Variants in GABRB2 observed in about 807,000 individuals in gnomAD.
GABRB2 encodes gamma-aminobutyric acid receptor subunit beta-2.
In GABRB2, 16 loss-of-function variants were observed where a neutral mutation model predicts 54.7. The ratio of observed to expected loss-of-function variants is 0.29; its 90% CI spans 0.20 to 0.44. The LOEUF (loss-of-function observed/expected upper bound fraction) is 0.44. Ranked by LOEUF, GABRB2 falls within the 20% of genes least tolerant of loss-of-function variation. GABRB2 has a pLI of 1.00. For synonymous variants in GABRB2, 244 were observed against 233.8 expected (o/e 1.04, Z -0.40); for missense variants, 355 against 644.0 (o/e 0.55, Z 4.86).
intron 3 of GABRB2, among the ~76,000 whole-genome samples, chr5:161,462,161 T>C (rs2113271506): frequency 6.6e-6 from 1 of 152,300 alleles, no homozygotes; most frequent in Admixed American, 6.5e-5. Flanking sequence ...CATATTAATA[T>C]CCTAAATGTG....
chr5:161,448,338 G>A (rs997094562), intron 4 of GABRB2, among the ~76,000 whole-genome samples: 1 of 152,070 alleles, frequency 6.6e-6, no homozygotes, highest in Non-Finnish European at 1.5e-5. Flanking sequence ...TAGGAGGTTT[G>A]CTAGAGACCA....
At chr5:161,547,235 G>C (rs1036511821), upstream of GABRB2, 13 of 129,142 alleles carry the variant, frequency 1.0e-4, no homozygotes, top group African/African-American at 3.5e-4. Context: ...GTGGGAGGAG[G>C]GGGGAGGGGG....
chr5:161,473,693 T>C (rs541117209), intron 3 of GABRB2, among the ~76,000 whole-genome samples: 1 of 151,970 alleles, frequency 6.6e-6, no homozygotes, highest in East Asian at 1.9e-4. Flanking sequence ...TATGAATACA[T>C]TTTTATCATT....
intron 5 of GABRB2, 45 bp from the exon 6 acceptor site, chr5:161,336,814 C>CCA (rs1561612969): frequency 3.2e-5 from 35 of 1,105,488 alleles, no homozygotes; most frequent in South Asian, 4.0e-5. Context: ...ATACAGAAAA[C>CCA]AAAAAAAAAA....
chr5:161,497,076 T>C (rs1759273212), intron 3 of GABRB2, among the ~76,000 whole-genome samples: 1 of 152,136 alleles, frequency 6.6e-6, no homozygotes, highest in South Asian at 2.1e-4. Context: ...AAGTTTTGTA[T>C]TTTAGGTATG....
At chr5:161,376,957 A>C (rs969283447) in intron 5 of GABRB2, among the ~76,000 whole-genome samples, 1 of 152,108 alleles carries the variant, frequency 6.6e-6, no homozygotes, top group African/African-American at 2.4e-5. Flanking sequence ...AAGAAGAAAA[A>C]AACAAAGAAG....
At chr5:161,510,737 A>G (rs1282891946) in intron 3 of GABRB2, among the ~76,000 whole-genome samples, 2 of 151,848 alleles carry the variant, frequency 1.3e-5, no homozygotes, top group African/African-American at 4.8e-5. Flanking sequence ...ATAAACAGAT[A>G]TTTTTATTTT....
intron 4 of GABRB2, among the ~76,000 whole-genome samples, chr5:161,426,872 G>A (rs1757016515): frequency 6.6e-6 from 1 of 152,068 alleles, no homozygotes; most frequent in African/African-American, 2.4e-5. Context: ...ATTGATAACA[G>A]GAGCTATTAG....
intron 3 of GABRB2, among the ~76,000 whole-genome samples, chr5:161,471,016 A>C (rs964405110): frequency 4.0e-5 from 6 of 151,864 alleles, no homozygotes; most frequent in African/African-American, 1.5e-4. Flanking sequence ...TTCCTGAATC[A>C]CCCAAGAAAT....
At chr5:161,470,761 C>T (rs1056414172) in intron 3 of GABRB2, among the ~76,000 whole-genome samples, 2 of 151,940 alleles carry the variant, frequency 1.3e-5, no homozygotes, top group Middle Eastern at 3.4e-3. Context: ...TTAATATTTT[C>T]GGACAGTGGT....
intron 9 of GABRB2, among the ~76,000 whole-genome samples, chr5:161,306,654 G>A (rs1757699532): frequency 6.6e-6 from 1 of 152,140 alleles, no homozygotes; most frequent in Admixed American, 6.5e-5. Flanking sequence ...GGGGCATGAG[G>A]GTAGTGCCAA....
At chr5:161,344,876 G>A (rs986742295) in intron 5 of GABRB2, among the ~76,000 whole-genome samples, 1 of 152,108 alleles carries the variant, frequency 6.6e-6, no homozygotes. Context: ...TAAAAAAGAT[G>A]AGTTCATGTC....
At chr5:161,314,357 T>G (rs1355518813) in intron 9 of GABRB2, among the ~76,000 whole-genome samples, 1 of 152,188 alleles carries the variant, frequency 6.6e-6, no homozygotes, top group Non-Finnish European at 1.5e-5. Flanking sequence ...CAGTAGAAGC[T>G]AGCAGAAGTG....
At chr5:161,545,412 T>G in intron 2 of GABRB2, 118 bp from the exon 3 acceptor site, 1 of 482,164 alleles carries the variant, frequency 2.1e-6, no homozygotes, top group Admixed American at 4.7e-5. Context: ...CAATCTCAAA[T>G]TTTTCAATTC....
intron 3 of GABRB2, among the ~76,000 whole-genome samples, chr5:161,533,871 A>G (rs1484225175): frequency 2.6e-5 from 4 of 152,166 alleles, no homozygotes; most frequent in Non-Finnish European, 5.9e-5. Flanking sequence ...ATAATACTCT[A>G]TAAAATAAGT....
At chr5:161,501,595 T>C (rs1759444263) in intron 3 of GABRB2, among the ~76,000 whole-genome samples, 1 of 152,166 alleles carries the variant, frequency 6.6e-6, no homozygotes, top group Non-Finnish European at 1.5e-5. Context: ...AGTTTTTCAA[T>C]ATTGCACAGA....
intron 5 of GABRB2, among the ~76,000 whole-genome samples, chr5:161,381,823 A>G (rs1319581155): frequency 6.6e-6 from 1 of 152,170 alleles, no homozygotes; most frequent in East Asian, 1.9e-4. Flanking sequence ...AAAGACAAAC[A>G]CTTCTGAGCT....
At chr5:161,360,667 A>T (rs1414168125) in intron 5 of GABRB2, among the ~76,000 whole-genome samples, 1 of 152,192 alleles carries the variant, frequency 6.6e-6, no homozygotes, top group Non-Finnish European at 1.5e-5. Flanking sequence ...CAATAGAATG[A>T]GAATATGACC....
intron 3 of GABRB2, among the ~76,000 whole-genome samples, chr5:161,503,141 T>C (rs1759500147): frequency 6.6e-6 from 1 of 152,000 alleles, no homozygotes; most frequent in South Asian, 2.1e-4. Flanking sequence ...GTTTTTTTTT[T>C]TCCAGAAATT....
Sources: allele counts gnomAD v4.1 joint callset (sites outside exome capture counted in the v4.1 genomes callset), GRCh38; gene constraint gnomAD v4.1.1; transcripts MANE v1.5; gene names NCBI Gene and HGNC (gene_info 2026-07-23, HGNC 2026-07-21).